SPACA7: variants seen among roughly 807,000 people sequenced by gnomAD.
The protein encoded by SPACA7 is sperm acrosome-associated protein 7.
SPACA7 carries 19 observed loss-of-function variants against 26.3 expected under a neutral mutation model. The ratio of observed to expected loss-of-function variants is 0.72; its 90% CI spans 0.50 to 1.06. The LOEUF is 1.06. Ranked by LOEUF, SPACA7 falls within the 50% of genes least tolerant of loss-of-function variation. SPACA7 has a pLI of 0.00. For missense variants in SPACA7, 211 were observed against 229.9 expected (o/e 0.92, Z 0.53); for synonymous variants, 84 against 84.5 (o/e 0.99, Z 0.04).
At chr13:112,394,860 C>T (rs522386) in intron 2 of SPACA7, among the ~76,000 whole-genome samples, 73,880 of 151,528 alleles carry the variant, frequency 0.49, 18,476 homozygotes, top group South Asian at 0.62. Context: ...GAGTGGCTGG[C>T]GTTTCTGATA....
At chr13:112,417,197 A>T (rs1886749317) in intron 5 of SPACA7, among the ~76,000 whole-genome samples, 1 of 152,126 alleles carries the variant, frequency 6.6e-6, no homozygotes, top group Non-Finnish European at 1.5e-5. Flanking sequence ...TCTTAATTAT[A>T]ACTTCAAATA....
At chr13:112,389,856 G>C (rs77233804) in intron 1 of SPACA7, among the ~76,000 whole-genome samples, 4,687 of 152,288 alleles carry the variant, frequency 0.031, 252 homozygotes, top group African/African-American at 0.11. Flanking sequence ...CACTCAATAA[G>C]GGCTAAAGAT....
At position 112,398,987 on chromosome 13, in the gene SPACA7, T is replaced by C. The variant is rs112517170; in HGVS notation, c.242-79T>C. ...AACATCCCAACCTTATATTGTAAAA[T>C]AAAGCATGGGCCAAAAATGTTTATA... is the stretch of plus-strand genomic sequence containing the variant. On this transcript the variant is annotated intron_variant, in intron 3 of 6. Coordinates refer to ENST00000283550, the MANE Select transcript of SPACA7 (RefSeq NM_145248.5). 5.1e-4 allele frequency: 426 copies of C among 839,606 alleles called. 2 individuals carry two copies. Among genetic ancestry groups the C allele is most frequent in the African/African-American group, 4.9e-3 (287 of 58,140 alleles). 52.0% of individuals were successfully genotyped at this position (839,606 alleles called of 1,614,324 possible).
At chr13:112,420,292 AATG>A (rs58701637) in intron 5 of SPACA7, among the ~76,000 whole-genome samples, 12,431 of 152,202 alleles carry the variant, frequency 0.082, 1,092 homozygotes, top group East Asian at 0.28. Context: ...ACTATCAGAC[AATG>A]ATAACTATGA....
At chr13:112,425,704 G>A (rs775601581) in intron 5 of SPACA7, among the ~76,000 whole-genome samples, 6 of 152,154 alleles carry the variant, frequency 3.9e-5, no homozygotes, top group Non-Finnish European at 8.8e-5. Context: ...CTCTCACAGC[G>A]TAACATGATT....
intron 5 of SPACA7, among the ~76,000 whole-genome samples, chr13:112,403,406 G>A (rs867214453): frequency 8.6e-5 from 13 of 151,832 alleles, no homozygotes; most frequent in African/African-American, 2.9e-4. Context: ...CTGGTTTATC[G>A]TTTTTTCTGA....
intron 5 of SPACA7, among the ~76,000 whole-genome samples, chr13:112,432,235 C>A (rs949754175): frequency 1.3e-5 from 2 of 152,228 alleles, no homozygotes; most frequent in Non-Finnish European, 1.5e-5. Context: ...CGGCACCAAG[C>A]CACACTTTCT....
At chr13:112,400,677 C>T (rs901969710) in intron 4 of SPACA7, among the ~76,000 whole-genome samples, 3 of 152,192 alleles carry the variant, frequency 2.0e-5, no homozygotes, top group Admixed American at 6.5e-5. Flanking sequence ...CTTTCCTGCC[C>T]GCACTCCTTT....
At chr13:112,397,735 C>G (rs886581669) in intron 2 of SPACA7, among the ~76,000 whole-genome samples, 7 of 152,202 alleles carry the variant, frequency 4.6e-5, no homozygotes, top group Non-Finnish European at 4.4e-5. Flanking sequence ...GACAGAGGGA[C>G]CCAGGGCAGG....
intron 2 of SPACA7, among the ~76,000 whole-genome samples, chr13:112,397,292 C>A (rs950753349): frequency 1.3e-5 from 2 of 152,146 alleles, no homozygotes; most frequent in Admixed American, 1.3e-4. Context: ...CCAGAGGGCC[C>A]CAGCAAACCA....
At chr13:112,414,401 T>TTTC (rs1886552037) in intron 5 of SPACA7, among the ~76,000 whole-genome samples, 10 of 63,518 alleles carry the variant, frequency 1.6e-4, no homozygotes, top group Non-Finnish European at 2.0e-4. Flanking sequence ...TTTTTTTTTT[T>TTTC]TTTTTTTTTT....
intron 1 of SPACA7, chr13:112,378,648 G>A (rs9550063): frequency 0.036 from 17,164 of 470,604 alleles, 457 homozygotes; most frequent in Middle Eastern, 0.086. Flanking sequence ...CGAAGGTCTC[G>A]AGGTTCCCAA....
intron 5 of SPACA7, among the ~76,000 whole-genome samples, chr13:112,419,844 T>A (rs1354677917): frequency 6.6e-6 from 1 of 152,036 alleles, no homozygotes; most frequent in Admixed American, 6.6e-5. Flanking sequence ...AGGGAGTATA[T>A]CCCCTGAGGG....
chr13:112,385,526 G>A (rs577849825), intron 1 of SPACA7, among the ~76,000 whole-genome samples: 5 of 152,234 alleles, frequency 3.3e-5, no homozygotes, highest in South Asian at 2.1e-4. Flanking sequence ...CATAGCTAGC[G>A]GCATGCCTCT....
chr13:112,419,425 G>GTAGGC (rs1886883583), intron 5 of SPACA7, among the ~76,000 whole-genome samples: 1 of 152,170 alleles, frequency 6.6e-6, no homozygotes, highest in Non-Finnish European at 1.5e-5. Flanking sequence ...TGTAGGGAAT[G>GTAGGC]ATCACCCACA....
chr13:112,416,790 T>C (rs1304174770), intron 5 of SPACA7, among the ~76,000 whole-genome samples: 3 of 149,476 alleles, frequency 2.0e-5, no homozygotes, highest in African/African-American at 7.5e-5. Flanking sequence ...GTCATTTACA[T>C]ATATGATTAT....
intron 1 of SPACA7, among the ~76,000 whole-genome samples, chr13:112,390,622 C>G (rs1188455286): frequency 6.6e-6 from 1 of 152,196 alleles, no homozygotes; most frequent in Non-Finnish European, 1.5e-5. Context: ...AGGAAACTTA[C>G]AATCATGGCA....
At chr13:112,429,833 G>A (rs1256308192) in intron 5 of SPACA7, among the ~76,000 whole-genome samples, 1 of 152,000 alleles carries the variant, frequency 6.6e-6, no homozygotes, top group Non-Finnish European at 1.5e-5. Flanking sequence ...CTATTATTGA[G>A]CCTGTTCTTT....
intron 4 of SPACA7, among the ~76,000 whole-genome samples, chr13:112,400,425 T>G (rs969142185): frequency 2.0e-5 from 3 of 152,236 alleles, no homozygotes; most frequent in Non-Finnish European, 4.4e-5. Flanking sequence ...TTAATTGGGA[T>G]TCTGCTTTAA....
Sources: allele counts gnomAD v4.1 joint callset (sites outside exome capture counted in the v4.1 genomes callset), GRCh38; gene constraint gnomAD v4.1.1; transcripts MANE v1.5; gene names NCBI Gene and HGNC (gene_info 2026-07-23, HGNC 2026-07-21).